The following RSBN1L variants were observed in gnomAD, a reference collection of about 807,000 sequenced individuals.
RSBN1L encodes lysine-specific demethylase RSBN1L.
In RSBN1L, 30 loss-of-function variants were observed where a neutral mutation model predicts 67.7. That is an observed-to-expected ratio of 0.44 (90% CI 0.33 to 0.60). The LOEUF (loss-of-function observed/expected upper bound fraction) is 0.60, where lower values mean the gene tolerates loss of function less well. Among genes scored for constraint, RSBN1L ranks in the 20% least tolerant of loss-of-function variants. The probability of loss-of-function intolerance (pLI) is 0.02; values close to 1 mark genes in which losing one functional copy is unlikely to be tolerated. For missense variants in RSBN1L, 992 were observed against 1,031.7 expected (o/e 0.96, Z 0.53); for synonymous variants, 433 against 387.0 (o/e 1.12, Z -1.39).
intron 1 of RSBN1L, among the ~76,000 whole-genome samples, chr7:77,710,609 T>C (rs1020180705): frequency 3.3e-5 from 5 of 152,300 alleles, no homozygotes; most frequent in Admixed American, 2.6e-4. Context: ...TTTTTTGTTT[T>C]TTTTGAGATA....
At chr7:77,716,026 C>T (rs970744021) in intron 1 of RSBN1L, among the ~76,000 whole-genome samples, 12 of 152,098 alleles carry the variant, frequency 7.9e-5, no homozygotes, top group Admixed American at 5.2e-4. Context: ...CAAATGTTTT[C>T]TACCATTCTC....
intron 3 of RSBN1L, among the ~76,000 whole-genome samples, chr7:77,751,777 T>TA (rs1206282586): frequency 6.6e-6 from 1 of 152,246 alleles, no homozygotes; most frequent in Non-Finnish European, 1.5e-5. Flanking sequence ...AGAGAAGAGA[T>TA]AACATGTTCA....
intron 5 of RSBN1L, among the ~76,000 whole-genome samples, chr7:77,770,202 C>T (rs1052270111): frequency 2.6e-5 from 4 of 152,018 alleles, no homozygotes; most frequent in African/African-American, 9.7e-5. Context: ...GAGGAAACCC[C>T]GTCTCTACTA....
At chr7:77,742,806 G>A (rs565389035) in intron 2 of RSBN1L, among the ~76,000 whole-genome samples, 3 of 152,296 alleles carry the variant, frequency 2.0e-5, no homozygotes, top group Admixed American at 1.3e-4. Flanking sequence ...CGATTGCACT[G>A]CACCCTGGGC....
Position 77,773,355 on chromosome 7 carries a change from G to A in RSBN1L, c.1793+41G>A, listed in dbSNP as rs200570362. Reference sequence around the variant, plus strand: ...GCTATTTTAATGAAAGAATTTCTTGGCTTCTACAATTTTTCTTGGAAAATC... The same window carrying A: ...GCTATTTTAATGAAAGAATTTCTTGACTTCTACAATTTTTCTTGGAAAATC... On this transcript the variant is annotated intron_variant, in intron 6 of 7. Coordinates refer to ENST00000334955, the MANE Select transcript of RSBN1L (RefSeq NM_198467.3). The A allele has an allele frequency of 2.2e-4, 302 of 1,357,910 alleles. No homozygotes were observed. In the African/African-American group the frequency reaches 4.2e-3, roughly 19 times the overall value. 84.1% of individuals were successfully genotyped at this position (1,357,910 alleles called of 1,614,324 possible).
At chr7:77,740,533 G>A (rs1791394304) in intron 2 of RSBN1L, among the ~76,000 whole-genome samples, 1 of 152,060 alleles carries the variant, frequency 6.6e-6, no homozygotes, top group Non-Finnish European at 1.5e-5. Flanking sequence ...GAGGCCAAAA[G>A]TTGAGAATAA....
chr7:77,750,376 C>T (rs1175073925), intron 3 of RSBN1L, among the ~76,000 whole-genome samples: 1 of 131,626 alleles, frequency 7.6e-6, no homozygotes, highest in Non-Finnish European at 1.5e-5. Context: ...TTTTCCAGTC[C>T]TTAAATAGTT....
chr7:77,765,849 G>A (rs1360477524), intron 4 of RSBN1L, among the ~76,000 whole-genome samples: 2 of 152,156 alleles, frequency 1.3e-5, no homozygotes, highest in East Asian at 1.9e-4. Context: ...GTGTACATGC[G>A]ACATCTCAGG....
chr7:77,774,634 G>A (rs1439376734), intron 6 of RSBN1L, among the ~76,000 whole-genome samples: 1 of 152,158 alleles, frequency 6.6e-6, no homozygotes, highest in Non-Finnish European at 1.5e-5. Flanking sequence ...CTACTCAGGA[G>A]GCTGAGGCAG....
intron 2 of RSBN1L, among the ~76,000 whole-genome samples, chr7:77,739,524 C>T (rs1791379918): frequency 6.6e-6 from 1 of 151,452 alleles, no homozygotes; most frequent in Admixed American, 6.6e-5. Context: ...ACCAGCTTGG[C>T]CAACCTGGTG....
intron 3 of RSBN1L, among the ~76,000 whole-genome samples, chr7:77,755,077 C>G (rs1284734652): frequency 1.3e-5 from 2 of 151,916 alleles, no homozygotes; most frequent in Non-Finnish European, 2.9e-5. Context: ...ATTGCTTTCA[C>G]CAAAAGAATT....
intron 1 of RSBN1L, among the ~76,000 whole-genome samples, chr7:77,703,577 C>G (rs907531806): frequency 4.9e-5 from 7 of 143,588 alleles, no homozygotes; most frequent in African/African-American, 1.5e-4. Context: ...CAACCTCTGC[C>G]TCCCAAGTTC....
chr7:77,713,020 C>T (rs1790996132), intron 1 of RSBN1L, among the ~76,000 whole-genome samples: 1 of 152,156 alleles, frequency 6.6e-6, no homozygotes, highest in Admixed American at 6.6e-5. Context: ...TAAGTTTTCT[C>T]AGATTTCAAA....
At chr7:77,707,501 T>G (rs1790911225) in intron 1 of RSBN1L, among the ~76,000 whole-genome samples, 1 of 152,222 alleles carries the variant, frequency 6.6e-6, no homozygotes, top group Non-Finnish European at 1.5e-5. Flanking sequence ...TTGTTAGCTT[T>G]TTTTATAGAA....
At position 77,751,971 on chromosome 7, in the gene RSBN1L, C is replaced by T. The variant is rs548134227; in HGVS notation, c.1344+1907C>T. 1.2e-4 allele frequency among the ~76,000 whole-genome samples: 19 copies of T among 152,288 alleles called. 2 individuals carry two copies. In the South Asian group the frequency reaches 1.9e-3, roughly 15 times the overall value. On this transcript the variant is annotated intron_variant, in intron 3 of 7. Transcript: ENST00000334955. ...AATGTGACAGTACATTGATGTGCAT[C>T]ACATTACATGCTTTTCAGATGGTTT...
At chr7:77,766,474 T>G (rs1040469555) in intron 4 of RSBN1L, among the ~76,000 whole-genome samples, 7 of 151,996 alleles carry the variant, frequency 4.6e-5, no homozygotes, top group African/African-American at 1.7e-4. Context: ...TGTGAGCCAC[T>G]GTGCCCACCA....
chr7:77,732,048 T>A (rs1308220650), intron 1 of RSBN1L, among the ~76,000 whole-genome samples: 1 of 152,198 alleles, frequency 6.6e-6, no homozygotes. Context: ...AAATGTGTAA[T>A]CCTTATATTT....
chr7:77,778,527 T>C lies in RSBN1L; in HGVS notation c.1903-3T>C. On this transcript the variant is annotated splice_polypyrimidine_tract_variant and splice_region_variant and intron_variant, in intron 7 of 7. Transcript: ENST00000334955. ...TTGTATTTCTTGTTTTATTATTTTT[T>C]AGTGTGTCCAATGGGTTGATGATGC... is the stretch of plus-strand genomic sequence containing the variant. The C allele has an allele frequency of 2.5e-6, 4 of 1,601,438 alleles. No homozygotes were observed. The highest frequency in any genetic ancestry group is 3.4e-6 in the Non-Finnish European group (4 of 1,173,544).
At chr7:77,731,776 C>T (rs1791275296) in intron 1 of RSBN1L, among the ~76,000 whole-genome samples, 1 of 151,566 alleles carries the variant, frequency 6.6e-6, no homozygotes. Flanking sequence ...AAGTCATTGC[C>T]AAAATCCCTG....
Sources: allele counts gnomAD v4.1 joint callset (sites outside exome capture counted in the v4.1 genomes callset), GRCh38; gene constraint gnomAD v4.1.1; transcripts MANE v1.5; gene names NCBI Gene and HGNC (gene_info 2026-07-23, HGNC 2026-07-21).